The following LRGUK variants were observed in gnomAD, a reference collection of about 807,000 sequenced individuals.
LRGUK encodes leucine-rich repeat and guanylate kinase domain-containing protein.
In LRGUK, 65 loss-of-function variants were observed where a neutral mutation model predicts 76.0. That is an observed-to-expected ratio of 0.85 (90% CI 0.70 to 1.05). The LOEUF (loss-of-function observed/expected upper bound fraction) is 1.05, where lower values mean the gene tolerates loss of function less well. Ranked by LOEUF, LRGUK falls within the 50% of genes least tolerant of loss-of-function variation. The probability of loss-of-function intolerance (pLI) is 0.00; values close to 1 mark genes in which losing one functional copy is unlikely to be tolerated. For synonymous variants in LRGUK, 268 were observed against 265.6 expected, an observed-to-expected ratio of 1.01 and a Z score of -0.09; for missense variants, 758 against 732.8, an observed-to-expected ratio of 1.03 and a Z score of -0.40.
At chr7:134,264,736 G>T (rs559742751), downstream of LRGUK, 1 of 152,148 alleles carries the variant, frequency 6.6e-6, no homozygotes, top group African/African-American at 2.4e-5. Context: ...CTGGTATTCC[G>T]CTAGTATGTC....
intron 1 of LRGUK, among the ~76,000 whole-genome samples, chr7:134,134,376 G>C (rs1782374435): frequency 6.6e-6 from 1 of 152,354 alleles, no homozygotes; most frequent in African/African-American, 2.4e-5. Context: ...GTGTGCATGT[G>C]CTGGCAATAG....
intron 15 of LRGUK, among the ~76,000 whole-genome samples, chr7:134,205,236 G>T (rs1025439396): frequency 6.6e-6 from 1 of 152,068 alleles, no homozygotes; most frequent in African/African-American, 2.4e-5. Flanking sequence ...TTTACAGAGC[G>T]CTGATTGGTG....
intron 6 of LRGUK, among the ~76,000 whole-genome samples, chr7:134,159,098 G>T (rs909602016): frequency 1.3e-5 from 2 of 152,114 alleles, no homozygotes; most frequent in Non-Finnish European, 2.9e-5. Flanking sequence ...AGCACTTTGG[G>T]AGGCTGAGGT....
intron 19 of LRGUK, among the ~76,000 whole-genome samples, chr7:134,261,325 C>T (rs1802721699): frequency 6.6e-6 from 1 of 151,670 alleles, no homozygotes; most frequent in Non-Finnish European, 1.5e-5. Flanking sequence ...CTTTTGTTTT[C>T]ATCTTTTTAT....
At chr7:134,232,094 G>T (rs2598255) in intron 16 of LRGUK, among the ~76,000 whole-genome samples, 11,746 of 152,086 alleles carry the variant, frequency 0.077, 1,058 homozygotes, top group African/African-American at 0.21. Flanking sequence ...ATATGGGCCT[G>T]GTCCCTGTCC....
chr7:134,251,865 T>G (rs938505374), intron 18 of LRGUK, among the ~76,000 whole-genome samples: 1 of 152,166 alleles, frequency 6.6e-6, no homozygotes, highest in Non-Finnish European at 1.5e-5. Context: ...ATAATGACAC[T>G]TTCCCAATGC....
At position 134,178,591 on chromosome 7, in the gene LRGUK, C is replaced by T. The variant is rs61749957; in HGVS notation, c.1196C>T (p.Pro399Leu). The T allele has an allele frequency of 3.7e-3, 5,962 of 1,612,020 alleles. 25 individuals are homozygous for T. Among genetic ancestry groups the T allele is most frequent in the Middle Eastern group, 0.028 (170 of 6,062 alleles). The stretch of plus-strand genomic sequence containing the variant: ...CATGTTGTCAACAGCGTGATGCAGC[C>T]GCAGAGGATCTTTGACAGGTACTTA... The change falls in exon 10 of 16, where the codon CCG becomes CTG. Residue 399 changes from proline to leucine, a missense_variant. By Grantham distance (98) the Pro-to-Leu change is moderately conservative. Coordinates refer to ENST00000645682, the Ensembl canonical transcript of LRGUK.
intron 10 of LRGUK, among the ~76,000 whole-genome samples, chr7:134,182,109 C>A (rs1281694667): frequency 6.6e-6 from 1 of 152,150 alleles, no homozygotes; most frequent in African/African-American, 2.4e-5. Flanking sequence ...CAGTATATAG[C>A]CTCTTGGGAT....
chr7:134,228,640 A>G (rs2117169305), intron 16 of LRGUK, among the ~76,000 whole-genome samples: 1 of 152,318 alleles, frequency 6.6e-6, no homozygotes, highest in East Asian at 1.9e-4. Context: ...TCAATAAAAA[A>G]TGTTTAATTA....
At chr7:134,233,631 A>G (rs955747185) in intron 16 of LRGUK, among the ~76,000 whole-genome samples, 5 of 152,168 alleles carry the variant, frequency 3.3e-5, no homozygotes, top group African/African-American at 1.2e-4. Flanking sequence ...TCCAAGTATC[A>G]CACAGCTTAG....
intron 16 of LRGUK, among the ~76,000 whole-genome samples, chr7:134,230,400 A>C (rs1381688633): frequency 6.6e-6 from 1 of 152,196 alleles, no homozygotes; most frequent in Non-Finnish European, 1.5e-5. Context: ...ATGGGAAATG[A>C]AATTGGTATA....
rs1797055843 is a variant in LRGUK at position 134,127,528 on chromosome 7, C to G, written c.161C>G (p.Ser54Cys). Residue 54 changes from serine to cysteine, a missense_variant, in exon 1 of 16, where the codon TCT becomes TGT. Transcript: ENST00000645682. The stretch of plus-strand genomic sequence containing the variant: ...ATGGGGCAGAAGACGAAAGGCAGCT[C>G]TAACATAGCCTCCTCCTACCTGCTC... 1.9e-6 allele frequency: 3 copies of G among 1,614,120 alleles called. No individual in the cohort carries two copies. Among genetic ancestry groups the G allele is most frequent in the African/African-American group, 2.7e-5 (2 of 74,942 alleles).
intron 2 of LRGUK, among the ~76,000 whole-genome samples, chr7:134,139,089 A>G (rs1400540665): frequency 6.6e-6 from 1 of 152,148 alleles, no homozygotes; most frequent in Non-Finnish European, 1.5e-5. Flanking sequence ...TTCTTCTACT[A>G]GGTAAAGGCC....
At chr7:134,141,466 G>T (rs1196803977) in intron 3 of LRGUK, 1 of 152,268 alleles carries the variant, frequency 6.6e-6, no homozygotes, top group Non-Finnish European at 1.5e-5. Flanking sequence ...CCTCTGGTGG[G>T]CAAGGAGGTC....
At chr7:134,193,304 G>C (rs1474023321) in intron 12 of LRGUK, among the ~76,000 whole-genome samples, 1 of 152,192 alleles carries the variant, frequency 6.6e-6, no homozygotes, top group Non-Finnish European at 1.5e-5. Flanking sequence ...CTTGATATTA[G>C]TAAGAAGCAT....
intron 16 of LRGUK, among the ~76,000 whole-genome samples, chr7:134,238,059 C>A (rs1031665366): frequency 6.6e-6 from 1 of 152,108 alleles, no homozygotes; most frequent in African/African-American, 2.4e-5. Context: ...GTTCTCCCCC[C>A]CATTATTTAT....
intron 15 of LRGUK, among the ~76,000 whole-genome samples, chr7:134,207,445 AAC>A (rs1359713165): frequency 2.6e-5 from 4 of 152,200 alleles, no homozygotes; most frequent in Non-Finnish European, 4.4e-5. Flanking sequence ...TTCAGTTTAT[AAC>A]AGTTATAAAC....
intron 19 of LRGUK, among the ~76,000 whole-genome samples, chr7:134,262,238 T>G (rs887273940): frequency 6.6e-6 from 1 of 151,970 alleles, no homozygotes; most frequent in Non-Finnish European, 1.5e-5. Context: ...GCTGAGTGTG[T>G]TGGTGTGCGC....
chr7:134,127,416 C>G, exon 1 of LRGUK: 1 of 1,614,016 alleles, frequency 6.2e-7, no homozygotes, highest in Non-Finnish European at 8.5e-7. Context: ...TGCCTCTCTC[C>G]TGAGAGGCTT....
Sources: allele counts gnomAD v4.1 joint callset (sites outside exome capture counted in the v4.1 genomes callset), GRCh38; gene constraint gnomAD v4.1.1; transcripts MANE v1.5; gene names NCBI Gene and HGNC (gene_info 2026-07-23, HGNC 2026-07-21).